Variants in HECW1 observed in about 807,000 individuals in gnomAD.
HECW1 encodes E3 ubiquitin-protein ligase HECW1.
A neutral mutation model predicts 182.3 loss-of-function variants in HECW1; 61 were observed. The ratio of observed to expected loss-of-function variants is 0.33; its 90% CI spans 0.27 to 0.41. HECW1 has a LOEUF of 0.41. HECW1 is among the 10% of genes least tolerant of loss of function. HECW1 has a pLI of 1.00. For synonymous variants in HECW1, 859 were observed against 832.6 expected (o/e 1.03, Z -0.55); for missense variants, 1,739 against 2,108.9 (o/e 0.82, Z 3.44).
chr7:43,422,890 C>G (rs1176430638), intron 8 of HECW1, among the ~76,000 whole-genome samples: 1 of 151,196 alleles, frequency 6.6e-6, no homozygotes, highest in East Asian at 2.0e-4. Flanking sequence ...AGTGCCTGGC[C>G]GAGAGTCGTC....
At chr7:43,145,362 C>G (rs1788592071) in intron 2 of HECW1, among the ~76,000 whole-genome samples, 1 of 152,196 alleles carries the variant, frequency 6.6e-6, no homozygotes, top group South Asian at 2.1e-4. Flanking sequence ...GTGGTGTGAT[C>G]TGACCTCACT....
At chr7:43,193,334 C>A (rs1282039672) in intron 2 of HECW1, among the ~76,000 whole-genome samples, 1 of 152,112 alleles carries the variant, frequency 6.6e-6, no homozygotes, top group African/African-American at 2.4e-5. Flanking sequence ...CTATCTCATG[C>A]CCTTTTCCCA....
chr7:43,543,663 C>G (rs1455331729), intron 26 of HECW1, among the ~76,000 whole-genome samples: 1 of 151,456 alleles, frequency 6.6e-6, no homozygotes, highest in African/African-American at 2.4e-5. Flanking sequence ...CCTGTAATCC[C>G]AGCTACTCAG....
chr7:43,321,544 TC>T (rs1810114945), intron 5 of HECW1, among the ~76,000 whole-genome samples: 1 of 152,282 alleles, frequency 6.6e-6, no homozygotes, highest in East Asian at 1.9e-4. Flanking sequence ...CAGCTCCTTC[TC>T]CTCCACTTGG....
chr7:43,317,258 T>A (rs543442676), intron 4 of HECW1, among the ~76,000 whole-genome samples: 18 of 152,306 alleles, frequency 1.2e-4, no homozygotes, highest in Admixed American at 1.0e-3. Context: ...GGCAGTGACC[T>A]ACTCCGCTTG....
rs11362924 is a variant in HECW1, at chr7:43,343,267, C to CT, written c.461-17605dup. Among the ~76,000 whole-genome samples, 147 of 146,356 alleles carry CT rather than the reference C, an allele frequency of 1.0e-3. 4 individuals are homozygous for CT. Among genetic ancestry groups the CT allele is most frequent in the African/African-American group, 3.1e-3 (122 of 38,920 alleles). On this transcript the variant is annotated intron_variant, in intron 5 of 29. Coordinates refer to ENST00000395891, the MANE Select transcript of HECW1 (RefSeq NM_015052.5). ...ACTGCAATGTCTGGGCAACAGTATTCTTTTTTTTTTTTTTAATTATACTTT... is the reference window on the plus strand; with the variant it reads ...ACTGCAATGTCTGGGCAACAGTATTCTTTTTTTTTTTTTTTAATTATACTTT...
At chr7:43,262,567 T>TA (rs1554333149) in intron 3 of HECW1, among the ~76,000 whole-genome samples, 5 of 152,200 alleles carry the variant, frequency 3.3e-5, no homozygotes, top group Non-Finnish European at 7.3e-5. Context: ...AATGAATCTA[T>TA]AATTACTTAC....
At chr7:43,297,202 T>C (rs939781166) in intron 3 of HECW1, among the ~76,000 whole-genome samples, 1 of 152,164 alleles carries the variant, frequency 6.6e-6, no homozygotes, top group African/African-American at 2.4e-5. Context: ...TTACAAACAA[T>C]AGATATTCAA....
rs368272389 is a variant in HECW1, at chr7:43,175,142, G to GT, written c.-32+60761dup. Among the ~76,000 whole-genome samples, 348 of 147,414 alleles carry GT rather than the reference G, an allele frequency of 2.4e-3. 2 individuals carry two copies. Among genetic ancestry groups the GT allele is most frequent in the African/African-American group, 7.2e-3 (289 of 40,318 alleles). The stretch of plus-strand genomic sequence containing the variant: ...GGTATAAGTTTTTGTTGGATTTCAT[G>GT]TTTTTTTTTTGATGTACAACACGAT... On this transcript the variant is annotated intron_variant, in intron 2 of 29. Transcript: ENST00000395891.
chr7:43,157,486 TA>T (rs1297560893), intron 2 of HECW1, among the ~76,000 whole-genome samples: 13 of 152,346 alleles, frequency 8.5e-5, no homozygotes, highest in Admixed American at 6.5e-4. Flanking sequence ...CATAGAATAA[TA>T]AATTACTGTG....
chr7:43,467,303 G>A (rs7779785), intron 15 of HECW1, among the ~76,000 whole-genome samples: 64,108 of 151,716 alleles, frequency 0.42, 13,699 homozygotes, highest in Middle Eastern at 0.55. Context: ...TTGGGGAGGC[G>A]GCTGAATTGA....
intron 3 of HECW1, among the ~76,000 whole-genome samples, chr7:43,280,983 T>C (rs943635637): frequency 6.6e-6 from 1 of 151,064 alleles, no homozygotes; most frequent in South Asian, 2.1e-4. Context: ...CCCGTTTTGT[T>C]TGGGGCTGTT....
chr7:43,174,542 C>A (rs1229214232), intron 2 of HECW1, among the ~76,000 whole-genome samples: 1 of 152,178 alleles, frequency 6.6e-6, no homozygotes, highest in African/African-American at 2.4e-5. Flanking sequence ...TCTGGACTAG[C>A]CCCTGAGCGA....
intron 8 of HECW1, among the ~76,000 whole-genome samples, chr7:43,408,835 G>A (rs2075701220): frequency 6.6e-6 from 1 of 152,136 alleles, no homozygotes; most frequent in Non-Finnish European, 1.5e-5. Flanking sequence ...TAGGTTAAAA[G>A]TACAGTTTTA....
intron 13 of HECW1, 122 bp downstream of exon 13, chr7:43,456,569 T>C: frequency 1.1e-6 from 1 of 916,696 alleles, no homozygotes; most frequent in Admixed American, 3.6e-5. Context: ...TAATTAAGTA[T>C]CTTAAGAAAC....
At chr7:43,177,064 G>T (rs965380500) in intron 2 of HECW1, among the ~76,000 whole-genome samples, 13 of 152,062 alleles carry the variant, frequency 8.5e-5, no homozygotes, top group Admixed American at 6.6e-4. Context: ...AGAGTTTCAG[G>T]GTTGAAAATT....
chr7:43,199,463 T>A (rs1794835054), intron 2 of HECW1, among the ~76,000 whole-genome samples: 1 of 152,210 alleles, frequency 6.6e-6, no homozygotes, highest in Non-Finnish European at 1.5e-5. Flanking sequence ...TACATTATTC[T>A]TTTCCCCCTG....
intron 3 of HECW1, among the ~76,000 whole-genome samples, chr7:43,308,257 ATATGATATATT>A (rs1562813711): frequency 0.065 from 7,398 of 113,012 alleles, 683 homozygotes; most frequent in South Asian, 0.087. Context: ...TATATATATT[ATATGATATATT>A]TATATATTAT....
At chr7:43,337,822 T>TA (rs1812495319) in intron 5 of HECW1, among the ~76,000 whole-genome samples, 2 of 152,234 alleles carry the variant, frequency 1.3e-5, no homozygotes, top group East Asian at 1.9e-4. Context: ...TCTTTTTTTT[T>TA]ATAGAAGACA....
Sources: allele counts gnomAD v4.1 joint callset (sites outside exome capture counted in the v4.1 genomes callset), GRCh38; gene constraint gnomAD v4.1.1; transcripts MANE v1.5; gene names NCBI Gene and HGNC (gene_info 2026-07-23, HGNC 2026-07-21).